MARCHF10: variants seen among roughly 807,000 people sequenced by gnomAD.
MARCHF10 encodes the protein probable E3 ubiquitin-protein ligase MARCHF10.
MARCHF10 carries 64 observed loss-of-function variants against 76.2 expected under a neutral mutation model. The ratio of observed to expected loss-of-function variants is 0.84; its 90% CI spans 0.69 to 1.03. MARCHF10 has a LOEUF of 1.03. Among genes scored for constraint, MARCHF10 ranks in the 50% least tolerant of loss-of-function variants. MARCHF10 has a pLI of 0.00. For synonymous variants in MARCHF10, 340 were observed against 357.5 expected (o/e 0.95, Z 0.55); for missense variants, 875 against 958.0 (o/e 0.91, Z 1.14).
chr17:62,758,665 A>G (rs570055445), intron 4 of MARCHF10, among the ~76,000 whole-genome samples: 1 of 152,360 alleles, frequency 6.6e-6, no homozygotes, highest in East Asian at 1.9e-4. Flanking sequence ...AAGCAATAAA[A>G]TGTGGGTGGT....
intron 2 of MARCHF10, among the ~76,000 whole-genome samples, chr17:62,790,582 G>C (rs1328345667): frequency 6.6e-6 from 1 of 152,202 alleles, no homozygotes; most frequent in Non-Finnish European, 1.5e-5. Flanking sequence ...TGAATTTGAA[G>C]TAAAGACCAA....
Position 62,736,931 on chromosome 17 carries a change from G to A in MARCHF10, c.937C>T (p.His313Tyr). 1.9e-6 allele frequency: 3 copies of A among 1,614,084 alleles called. No homozygotes were observed. Among genetic ancestry groups the A allele is most frequent in the South Asian group, 2.2e-5 (2 of 91,060 alleles). ...CCCCCAAATCTACTTCTTTTGTGAT[G>A]GGAAGGAGAACAGGGTGAGCGCACA... Reference protein sequence around the residue: ...VGVRSPCSPSHHKRSRFGGTS... With the variant: ...VGVRSPCSPSYHKRSRFGGTS... The change falls in exon 6 of 11, where the codon CAT becomes TAT. Residue 313 changes from histidine (H) to tyrosine (Y), a missense_variant. Transcript: ENST00000311269.
At chr17:62,760,380 GA>G (rs1189260195) in intron 3 of MARCHF10, among the ~76,000 whole-genome samples, 3 of 152,254 alleles carry the variant, frequency 2.0e-5, no homozygotes, top group African/African-American at 7.2e-5. Flanking sequence ...TAGGCTAGAA[GA>G]AAAAATGTTC....
chr17:62,788,680 G>C (rs1469786102), intron 2 of MARCHF10, 81 bp from the exon 3 acceptor site: 1 of 1,567,546 alleles, frequency 6.4e-7, no homozygotes, highest in Non-Finnish European at 8.7e-7. Context: ...CAATGGTGAG[G>C]AGCATGAAAT....
intron 2 of MARCHF10, among the ~76,000 whole-genome samples, chr17:62,801,430 G>A (rs1003161392): frequency 2.6e-5 from 4 of 150,990 alleles, no homozygotes; most frequent in Non-Finnish European, 4.4e-5. Context: ...TGGGATTACA[G>A]GCATGAGCCA....
At chr17:62,771,749 G>A (rs2092452333) in intron 3 of MARCHF10, among the ~76,000 whole-genome samples, 1 of 151,412 alleles carries the variant, frequency 6.6e-6, no homozygotes, top group African/African-American at 2.4e-5. Flanking sequence ...GCTAATTTTT[G>A]TATTTTTATT....
chr17:62,742,279 C>T lies in MARCHF10; in HGVS notation c.535+2097G>A, dbSNP rs543666960. Among the ~76,000 whole-genome samples the T allele has an allele frequency of 4.6e-5, 7 of 152,184 alleles. No homozygotes were observed. The East Asian group carries it at 1.4e-3, about 29-fold the overall frequency. ...AAATGATCCGCCCACCTCAGCCTCC[C>T]AAAGTGCTGGGATTACAGGCATGAG... On this transcript the variant is annotated intron_variant, in intron 5 of 10. Coordinates refer to ENST00000311269, the MANE Select transcript of MARCHF10 (RefSeq NM_152598.4).
Position 62,724,973 on chromosome 17 carries a change from C to T in MARCHF10, c.2069G>A (p.Cys690Tyr). 1.2e-6 allele frequency: 2 copies of T among 1,612,180 alleles called. No individual in the cohort carries two copies. Among genetic ancestry groups the T allele is most frequent in the Non-Finnish European group, 1.7e-6 (2 of 1,179,334 alleles). Residue 690 changes from cysteine (C) to tyrosine (Y), a missense_variant, in exon 7 of 11, where the codon TGC becomes TAC. Coordinates refer to ENST00000311269, the MANE Select transcript of MARCHF10 (RefSeq NM_152598.4). ...VGSLQFVHQE[C>Y]LKKWLKVKIT... is the part of the protein sequence containing the mutation. ...TTTCACTTTCAGCCACTTTTTCAGG[C>T]ACTCTTGATGAACAAACTGCAGGCT...
intron 2 of MARCHF10, among the ~76,000 whole-genome samples, chr17:62,797,972 G>A (rs895890177): frequency 6.6e-6 from 1 of 152,180 alleles, no homozygotes; most frequent in Non-Finnish European, 1.5e-5. Context: ...AAGAGACAGG[G>A]AAGGCTTAGA....
At chr17:62,727,384 T>A (rs1214096195) in intron 6 of MARCHF10, among the ~76,000 whole-genome samples, 1 of 152,000 alleles carries the variant, frequency 6.6e-6, no homozygotes, top group African/African-American at 2.4e-5. Flanking sequence ...AATAGTTGAG[T>A]CTGGCCGGGT....
chr17:62,775,474 T>C (rs987125959), intron 3 of MARCHF10, among the ~76,000 whole-genome samples: 3 of 150,382 alleles, frequency 2.0e-5, no homozygotes, highest in African/African-American at 5.0e-5. Flanking sequence ...GACATTTGTA[T>C]AATGCCTTAG....
At chr17:62,766,837 A>T (rs1215156772) in intron 3 of MARCHF10, among the ~76,000 whole-genome samples, 1 of 152,176 alleles carries the variant, frequency 6.6e-6, no homozygotes, top group African/African-American at 2.4e-5. Context: ...ATAAGCTGAC[A>T]AGGAGAGAGA....
At chr17:62,723,892 G>A (rs1316462556) in intron 7 of MARCHF10, among the ~76,000 whole-genome samples, 3 of 152,062 alleles carry the variant, frequency 2.0e-5, no homozygotes, top group Admixed American at 6.6e-5. Flanking sequence ...CTTATGCTAG[G>A]GAAGTTGCAT....
chr17:62,701,725 A>G lies in MARCHF10; in HGVS notation c.2405T>C (p.Ile802Thr), dbSNP rs1176651524. 3 of 1,614,170 alleles carry G rather than the reference A, an allele frequency of 1.9e-6. No individual in the cohort carries two copies. Among genetic ancestry groups the G allele is most frequent in the Non-Finnish European group, 1.7e-6 (2 of 1,180,046 alleles). ...TTGCTAGACGACCTGGCTTTGAGAAATGCTGCCTTCATTTCCATCTCCCAA... is the reference window on the plus strand; with the variant it reads ...TTGCTAGACGACCTGGCTTTGAGAAGTGCTGCCTTCATTTCCATCTCCCAA... The part of the protein sequence containing the change: ...SELGDGNEGS[I>T]SQSQVV The change falls in exon 11 of 11, where the codon ATT (isoleucine) becomes ACT (threonine). Residue 802 changes from isoleucine to threonine, a missense_variant. Physicochemically the swap from Ile to Thr is moderately conservative, Grantham distance 89 (BLOSUM62 -1). Transcript: ENST00000311269.
intron 1 of MARCHF10, among the ~76,000 whole-genome samples, chr17:62,801,998 T>C (rs762806638): frequency 1.3e-5 from 2 of 152,202 alleles, no homozygotes. Flanking sequence ...CCTGTCCTGG[T>C]TACTCAGAGG....
intron 5 of MARCHF10, 77 bp downstream of exon 5, chr17:62,744,299 A>G: frequency 1.4e-6 from 2 of 1,480,014 alleles, no homozygotes; most frequent in Non-Finnish European, 1.8e-6. Context: ...TCTAAAAACC[A>G]TAAAGAATTC....
At chr17:62,786,740 C>T (rs544062917) in intron 3 of MARCHF10, among the ~76,000 whole-genome samples, 1 of 152,276 alleles carries the variant, frequency 6.6e-6, no homozygotes, top group South Asian at 2.1e-4. Flanking sequence ...GAATCTGACA[C>T]CAGCTTGTTC....
intron 9 of MARCHF10, among the ~76,000 whole-genome samples, chr17:62,709,940 T>A (rs892839405): frequency 6.6e-6 from 1 of 152,140 alleles, no homozygotes; most frequent in Non-Finnish European, 1.5e-5. Flanking sequence ...ATTTCAGGGT[T>A]TCTCCAGTTC....
At chr17:62,802,098 A>G (rs1455756171) in intron 1 of MARCHF10, among the ~76,000 whole-genome samples, 1 of 152,236 alleles carries the variant, frequency 6.6e-6, no homozygotes, top group Non-Finnish European at 1.5e-5. Context: ...GACCAAAGTT[A>G]CAGGCCCCTG....
Sources: gnomAD v4.1 joint callset for allele counts (sites outside exome capture counted in the v4.1 genomes callset) on GRCh38, gnomAD v4.1.1 for gene constraint, MANE v1.5 for transcripts, NCBI Gene and HGNC (gene_info 2026-07-23, HGNC 2026-07-21) for gene names.